TYW1B: variants seen among roughly 807,000 people sequenced by gnomAD.
TYW1B encodes S-adenosyl-L-methionine-dependent tRNA 4-demethylwyosine synthase TYW1B.
A neutral mutation model predicts 86.9 loss-of-function variants in TYW1B; 73 were observed. That is an observed-to-expected ratio of 0.84 (90% CI 0.70 to 1.02). The LOEUF is 1.02. TYW1B is among the 50% of genes least tolerant of loss of function. TYW1B has a pLI of 0.00. For missense variants in TYW1B, 637 were observed against 827.4 expected (o/e 0.77, Z 2.82); for synonymous variants, 248 against 292.8 (o/e 0.85, Z 1.56).
At chr7:72,668,725 G>T (rs1813523894) in intron 11 of TYW1B, among the ~76,000 whole-genome samples, 1 of 152,174 alleles carries the variant, frequency 6.6e-6, no homozygotes, top group African/African-American at 2.4e-5. Context: ...AGAGTGGAGG[G>T]AAAGCTTACT....
At chr7:72,576,839 A>T (rs1811034829) in intron 13 of TYW1B, among the ~76,000 whole-genome samples, 1 of 151,360 alleles carries the variant, frequency 6.6e-6, no homozygotes, top group Admixed American at 6.6e-5. Context: ...AAAAACTTCG[A>T]CTAATGGCCG....
At chr7:72,673,609 G>A (rs766640638) in intron 11 of TYW1B, among the ~76,000 whole-genome samples, 1 of 152,202 alleles carries the variant, frequency 6.6e-6, no homozygotes, top group Non-Finnish European at 1.5e-5. Flanking sequence ...GGGAAGGGTA[G>A]TGGGGGTGTT....
chr7:72,666,151 C>T (rs1392675390), intron 11 of TYW1B, among the ~76,000 whole-genome samples: 4 of 152,076 alleles, frequency 2.6e-5, no homozygotes, highest in Admixed American at 1.3e-4. Context: ...TGGTGGCTCA[C>T]GCCTATAATC....
chr7:72,768,130 C>T lies in TYW1B; in HGVS notation c.964+9286G>A, dbSNP rs541159853. Among the ~76,000 whole-genome samples, 5 of 151,930 alleles carry T rather than the reference C, an allele frequency of 3.3e-5. No individual in the cohort carries two copies. In the South Asian group the frequency reaches 1.0e-3, roughly 32 times the overall value. Reference sequence around the variant, plus strand: ...TTTTGCCAGGCATGGTGGCACACTACTTGGGAGGCTGAGGAGAGAGGATCG... The same window carrying T: ...TTTTGCCAGGCATGGTGGCACACTATTTGGGAGGCTGAGGAGAGAGGATCG... On this transcript the variant is annotated intron_variant, in intron 7 of 13. Coordinates refer to ENST00000620995, the MANE Select transcript of TYW1B (RefSeq NM_001145440.3).
Position 72,691,981 on chromosome 7 carries a change from G to A in TYW1B, c.1506+2706C>T, listed in dbSNP as rs188825904. ...AGCACTTTGGGAGGTTGAGGCAGGC[G>A]GATCACTTGAGGTCAGGAGTTTGAG... On this transcript the variant is annotated intron_variant, in intron 11 of 13. Transcript: ENST00000620995. Among the ~76,000 whole-genome samples, 263 of 151,952 alleles carry A rather than the reference G, an allele frequency of 1.7e-3. 2 individuals carry two copies. The highest frequency in any genetic ancestry group is 5.6e-3 in the African/African-American group (233 of 41,442).
chr7:72,601,670 T>C (rs1234886982), intron 13 of TYW1B, among the ~76,000 whole-genome samples: 1 of 141,154 alleles, frequency 7.1e-6, no homozygotes, highest in Non-Finnish European at 1.5e-5. Flanking sequence ...ACAATGGGAG[T>C]TTTATTTGCC....
rs553412192 is a variant in TYW1B at position 72,600,247 on chromosome 7, G to A, written c.1785+16425C>T. 1.2e-4 allele frequency among the ~76,000 whole-genome samples: 19 copies of A among 152,244 alleles called. No individual in the cohort carries two copies. The South Asian group carries it at 2.9e-3, about 23-fold the overall frequency. On this transcript the variant is annotated intron_variant, in intron 13 of 13. Coordinates refer to ENST00000620995, the MANE Select transcript of TYW1B (RefSeq NM_001145440.3). ...TACAGTCAACTCATCTTTGACAAAG[G>A]AGCAAAGGTAATTTAATGAAGAAAT... is the stretch of plus-strand genomic sequence containing the variant.
At chr7:72,818,571 T>A (rs1586008937) in intron 2 of TYW1B, among the ~76,000 whole-genome samples, 1 of 92,466 alleles carries the variant, frequency 1.1e-5, no homozygotes, top group Non-Finnish European at 1.8e-5. Context: ...TAAGCGAGAC[T>A]CCATCTCAAA....
chr7:72,813,722 T>C (rs1414065911), intron 3 of TYW1B, among the ~76,000 whole-genome samples: 2 of 152,160 alleles, frequency 1.3e-5, no homozygotes, highest in African/African-American at 2.4e-5. Flanking sequence ...TTCATAGATA[T>C]TAAGTAATGC....
chr7:72,799,542 T>A (rs1788368824), intron 6 of TYW1B, among the ~76,000 whole-genome samples: 1 of 151,666 alleles, frequency 6.6e-6, no homozygotes, highest in African/African-American at 2.4e-5. Flanking sequence ...CTCGGCTCAC[T>A]ACAAGCTCTG....
intron 9 of TYW1B, among the ~76,000 whole-genome samples, chr7:72,717,875 G>A (rs1382787021): frequency 1.3e-5 from 2 of 152,140 alleles, no homozygotes; most frequent in South Asian, 2.1e-4. Context: ...CACACTATTG[G>A]TGGGGATGTA....
intron 13 of TYW1B, among the ~76,000 whole-genome samples, chr7:72,607,227 T>C (rs183253473): frequency 0.013 from 1,919 of 151,564 alleles, 42 homozygotes; most frequent in African/African-American, 0.041. Flanking sequence ...ACCCCATCTC[T>C]AATAAAAATA....
At chr7:72,789,726 C>T (rs1267362774) in intron 6 of TYW1B, among the ~76,000 whole-genome samples, 3 of 151,946 alleles carry the variant, frequency 2.0e-5, no homozygotes, top group African/African-American at 4.8e-5. Context: ...GTCCTCCCAC[C>T]TCAGGCTCCC....
intron 11 of TYW1B, among the ~76,000 whole-genome samples, chr7:72,685,140 T>G (rs1813978159): frequency 6.6e-6 from 1 of 151,252 alleles, no homozygotes; most frequent in South Asian, 2.1e-4. Flanking sequence ...AAAAAGATTA[T>G]TTTGTTATCA....
chr7:72,774,940 G>A (rs1787930424), intron 7 of TYW1B, among the ~76,000 whole-genome samples: 1 of 151,934 alleles, frequency 6.6e-6, no homozygotes, highest in Admixed American at 6.6e-5. Context: ...TATTCTATAG[G>A]CTCAAAAAGG....
chr7:72,603,637 C>T (rs1811727468), intron 13 of TYW1B, among the ~76,000 whole-genome samples: 1 of 152,078 alleles, frequency 6.6e-6, no homozygotes, highest in Admixed American at 6.6e-5. Context: ...GTGGAGAAAC[C>T]TGACAAATAC....
chr7:72,726,547 A>T (rs1585933463), intron 9 of TYW1B, among the ~76,000 whole-genome samples: 1 of 151,992 alleles, frequency 6.6e-6, no homozygotes, highest in South Asian at 2.1e-4. Flanking sequence ...TATTTTTAGT[A>T]GAGATGGGGT....
At chr7:72,799,629 C>T (rs1258967301) in intron 6 of TYW1B, among the ~76,000 whole-genome samples, 1 of 151,974 alleles carries the variant, frequency 6.6e-6, no homozygotes, top group Non-Finnish European at 1.5e-5. Context: ...CCACACCTGG[C>T]TAATTTTTTG....
chr7:72,635,738 CAGTGTTGCTCAATAGAAAT>C (rs1585865807), intron 11 of TYW1B, among the ~76,000 whole-genome samples: 1 of 152,176 alleles, frequency 6.6e-6, no homozygotes, highest in Non-Finnish European at 1.5e-5. Flanking sequence ...ATCTATAAGC[CAGTGTTGCTCAATAGAAAT>C]ATAAGTTCAC....
Sources: gnomAD v4.1 joint callset for allele counts (sites outside exome capture counted in the v4.1 genomes callset) on GRCh38, gnomAD v4.1.1 for gene constraint, MANE v1.5 for transcripts, NCBI Gene and HGNC (gene_info 2026-07-23, HGNC 2026-07-21) for gene names.